MYH16: variants seen among roughly 807,000 people sequenced by gnomAD.
MYH16 encodes the protein myosin heavy chain 16, also known as putative uncharacterized protein MYH16.
At chr7:99,255,855 A>G (rs927791186) in intron 9 of MYH16, among the ~76,000 whole-genome samples, 7 of 152,168 alleles carry the variant, frequency 4.6e-5, no homozygotes, top group African/African-American at 1.7e-4. Context: ...TTTTATTCCA[A>G]GCCCATTTTA....
At chr7:99,276,847 C>A (rs1218478316) in intron 20 of MYH16, among the ~76,000 whole-genome samples, 1 of 151,504 alleles carries the variant, frequency 6.6e-6, no homozygotes, top group Admixed American at 6.6e-5. Flanking sequence ...GAGAAAGACA[C>A]AGAAAATGAG....
chr7:99,309,497 T>G (rs1792729357), downstream of MYH16, among the ~76,000 whole-genome samples: 1 of 152,162 alleles, frequency 6.6e-6, no homozygotes, highest in Non-Finnish European at 1.5e-5. Context: ...GAAATAATGG[T>G]TAGGTCAGGA....
At chr7:99,282,322 G>C (rs1465408902) in intron 23 of MYH16, among the ~76,000 whole-genome samples, 2 of 152,014 alleles carry the variant, frequency 1.3e-5, no homozygotes. Context: ...CACCACACCC[G>C]GCCTCACAGT....
At chr7:99,240,425 A>C (rs1363576475) in intron 1 of MYH16, among the ~76,000 whole-genome samples, 1 of 152,190 alleles carries the variant, frequency 6.6e-6, no homozygotes, top group Non-Finnish European at 1.5e-5. Flanking sequence ...ACCGCCTTCA[A>C]GGATAAAATT....
Position 99,239,987 on chromosome 7 carries a change from G to C in MYH16, n.210+949G>C, listed in dbSNP as rs141621072. On this transcript the variant is annotated intron_variant and non_coding_transcript_variant, in intron 1 of 41. Coordinates refer to ENST00000439784, the Ensembl canonical transcript of MYH16. Reference sequence around the variant, plus strand: ...TACTTGGGCTCAGGAGTTTGAGACTGTCCTGGGCAACTTGGTGAGACCCTA... The same window carrying C: ...TACTTGGGCTCAGGAGTTTGAGACTCTCCTGGGCAACTTGGTGAGACCCTA... 7.3e-5 allele frequency among the ~76,000 whole-genome samples: 11 copies of C among 151,182 alleles called. No homozygotes were observed. The East Asian group carries it at 2.1e-3, about 29-fold the overall frequency.
At chr7:99,297,055 C>T (rs112086514) in intron 34 of MYH16, 138 bp downstream of exon 15, 1 of 365,366 alleles carries the variant, frequency 2.7e-6, no homozygotes, top group South Asian at 2.0e-5. Context: ...CTAGCAAGTG[C>T]TTTGTAGAAG....
At chr7:99,288,179 T>C in intron 29 of MYH16, 42 bp downstream of exon 10, 2 of 451,088 alleles carry the variant, frequency 4.4e-6, no homozygotes, top group South Asian at 3.1e-5. Context: ...GGCTCACTCC[T>C]GTAATCCCAG....
chr7:99,264,652 C>T (rs575775855), intron 15 of MYH16, among the ~76,000 whole-genome samples: 1 of 152,254 alleles, frequency 6.6e-6, no homozygotes, highest in Non-Finnish European at 1.5e-5. Context: ...GGAGATGTTG[C>T]ACAAAGGAAG....
chr7:99,298,624 G>A (rs1375547393), intron 36 of MYH16, among the ~76,000 whole-genome samples: 1 of 152,214 alleles, frequency 6.6e-6, no homozygotes, highest in African/African-American at 2.4e-5. Flanking sequence ...TATCTTCGGA[G>A]AAAAGTCTGT....
chr7:99,293,816 G>C (rs1291575563), intron 32 of MYH16, among the ~76,000 whole-genome samples: 1 of 148,468 alleles, frequency 6.7e-6, no homozygotes, highest in Non-Finnish European at 1.5e-5. Context: ...TTGACGCAGG[G>C]TAGAGAAAGT....
exon 12 of MYH16, chr7:99,260,277 G>A: frequency 6.3e-7 from 1 of 1,581,426 alleles, no homozygotes; most frequent in Non-Finnish European, 8.7e-7. Context: ...AAGGCATCGA[G>A]TGGGTCTTCA....
intron 21 of MYH16, among the ~76,000 whole-genome samples, 200 bp downstream of exon 3, chr7:99,277,912 TGTGTGAGAGA>T (rs1440118694): frequency 7.6e-6 from 1 of 131,664 alleles, no homozygotes; most frequent in Non-Finnish European, 1.5e-5. Context: ...TGTGTGTGTG[TGTGTGAGAGA>T]GAGAGAGAGA....
chr7:99,290,536 A>G (rs1792356317), intron 30 of MYH16, among the ~76,000 whole-genome samples: 2 of 150,776 alleles, frequency 1.3e-5, no homozygotes, highest in African/African-American at 4.9e-5. Flanking sequence ...GCAGTGGCTC[A>G]TGCCTGTAAT....
chr7:99,270,682 G>A (rs1792036248), intron 18 of MYH16, among the ~76,000 whole-genome samples: 1 of 151,708 alleles, frequency 6.6e-6, no homozygotes, highest in South Asian at 2.1e-4. Flanking sequence ...ACTTTGGGAG[G>A]CTCAGCCTGG....
chr7:99,241,353 A>AGGGTG (rs1791664912), intron 1 of MYH16, among the ~76,000 whole-genome samples: 1 of 152,050 alleles, frequency 6.6e-6, no homozygotes, highest in East Asian at 1.9e-4. Context: ...GAGGCCAAGG[A>AGGGTG]GGGTGGATCA....
At chr7:99,246,084 T>A (rs1313010850) in intron 2 of MYH16, among the ~76,000 whole-genome samples, 4 of 151,784 alleles carry the variant, frequency 2.6e-5, no homozygotes, top group Non-Finnish European at 5.9e-5. Context: ...CACATGCCCG[T>A]AGTCCCAGCT....
chr7:99,277,923 G>GAGAGAGAGA (rs1425189536), intron 21 of MYH16, among the ~76,000 whole-genome samples: 2 of 130,616 alleles, frequency 1.5e-5, no homozygotes, highest in Non-Finnish European at 3.0e-5. Flanking sequence ...GTGTGAGAGA[G>GAGAGAGAGA]AGAGAGAGAG....
chr7:99,264,625 CAAAGTGCAGTCTACAAGGAGATG>C (rs59718289), intron 15 of MYH16, among the ~76,000 whole-genome samples: 2,120 of 152,276 alleles, frequency 0.014, 52 homozygotes, highest in African/African-American at 0.049. Flanking sequence ...CATTACCTTC[CAAAGTGCAGTCTACAAGGAGATG>C]TTGCACAAAG....
intron 22 of MYH16, 60 bp downstream of exon 4, chr7:99,279,797 A>G: frequency 2.3e-6 from 1 of 427,664 alleles, no homozygotes; most frequent in Non-Finnish European, 4.7e-6. Flanking sequence ...GGCCATACCT[A>G]AAGCCCCTAT....
Sources: allele counts gnomAD v4.1 joint callset (sites outside exome capture counted in the v4.1 genomes callset), GRCh38; gene constraint gnomAD v4.1.1; transcripts MANE v1.5; gene names NCBI Gene and HGNC (gene_info 2026-07-23, HGNC 2026-07-21).